MYO5B: variants seen among roughly 807,000 people sequenced by gnomAD.
MYO5B encodes unconventional myosin-Vb.
Under a neutral mutation model 229.3 loss-of-function variants are expected in MYO5B, and 143 were observed. The observed-to-expected ratio is 0.62, with a 90% CI of 0.54 to 0.72. MYO5B has a LOEUF of 0.72. Among genes scored for constraint, MYO5B ranks in the 30% least tolerant of loss-of-function variants. The pLI is 0.00. For missense variants in MYO5B, 2,321 were observed against 2,331.0 expected (o/e 1.00, Z 0.09); for synonymous variants, 918 against 885.2 (o/e 1.04, Z -0.66).
At chr18:49,930,941 C>CA (rs369494077) in intron 16 of MYO5B, among the ~76,000 whole-genome samples, 7,514 of 151,592 alleles carry the variant, frequency 0.05, 260 homozygotes, top group Non-Finnish European at 0.068. Flanking sequence ...AGCAAGACAT[C>CA]ACCATTGTCT....
intron 1 of MYO5B, among the ~76,000 whole-genome samples, chr18:50,134,111 G>A (rs1364311557): frequency 2.6e-5 from 4 of 152,072 alleles, no homozygotes; most frequent in Non-Finnish European, 1.5e-5. Flanking sequence ...GCCTGACTGG[G>A]GACAAAGGCA....
Position 49,951,047 on chromosome 18 carries a change from A to G in MYO5B, c.1752+2213T>C, listed in dbSNP as rs182342519. 5.1e-4 allele frequency among the ~76,000 whole-genome samples: 77 copies of G among 152,262 alleles called. No individual in the cohort carries two copies. In the East Asian group the frequency reaches 0.012, roughly 23 times the overall value. The stretch of plus-strand genomic sequence containing the variant: ...AAGGGTGCCTACATAATCAACCCCA[A>G]ATAAAAACCCTGGCCGCCTGGGCTC... On this transcript the variant is annotated intron_variant, in intron 14 of 39. Coordinates refer to ENST00000285039, the MANE Select transcript of MYO5B (RefSeq NM_001080467.3).
At chr18:49,928,522 T>C (rs2025154713) in intron 17 of MYO5B, among the ~76,000 whole-genome samples, 1 of 152,194 alleles carries the variant, frequency 6.6e-6, no homozygotes, top group African/African-American at 2.4e-5. Flanking sequence ...TGCACACCTG[T>C]AGTCCCAGCT....
At chr18:49,911,374 G>A (rs573339387) in intron 18 of MYO5B, among the ~76,000 whole-genome samples, 114 of 152,238 alleles carry the variant, frequency 7.5e-4, no homozygotes, top group African/African-American at 2.5e-3. Flanking sequence ...CTTCTTGGAA[G>A]GCCTAGAAGT....
At chr18:49,868,831 C>G (rs901050420) in intron 27 of MYO5B, among the ~76,000 whole-genome samples, 2 of 152,348 alleles carry the variant, frequency 1.3e-5, no homozygotes, top group Admixed American at 1.3e-4. Flanking sequence ...TCTACATGAC[C>G]TTACCCCAAA....
intron 1 of MYO5B, among the ~76,000 whole-genome samples, chr18:50,149,533 T>C (rs1177598588): frequency 2.0e-5 from 3 of 151,616 alleles, no homozygotes; most frequent in East Asian, 2.0e-4. Context: ...TAATGCCACA[T>C]ATCTACAACC....
Position 49,903,391 on chromosome 18 carries a change from C to T in MYO5B, c.2572-558G>A, listed in dbSNP as rs563869522. 3.3e-5 allele frequency among the ~76,000 whole-genome samples: 5 copies of T among 152,234 alleles called. No homozygotes were observed. In the South Asian group the frequency reaches 6.2e-4, roughly 19 times the overall value. ...ATAAATGAGTAAACAAGCAAACAGG[C>T]TGAGCAATGAACAGTGCCACAGCCA... On this transcript the variant is annotated intron_variant, in intron 20 of 39. Transcript: ENST00000285039.
chr18:49,887,018 A>C (rs1557353), intron 22 of MYO5B, among the ~76,000 whole-genome samples: 17 of 151,988 alleles, frequency 1.1e-4, no homozygotes, highest in African/African-American at 3.9e-4. Flanking sequence ...GGGCCTGGTG[A>C]GAGGTGACTG....
chr18:50,014,291 A>AC (rs2026193488), intron 4 of MYO5B, among the ~76,000 whole-genome samples: 1 of 102,232 alleles, frequency 9.8e-6, no homozygotes, highest in Non-Finnish European at 2.3e-5. Context: ...AAAAAAAAAA[A>AC]AAAAACTACG....
chr18:50,010,061 G>A (rs972962269), intron 4 of MYO5B, among the ~76,000 whole-genome samples: 4 of 152,220 alleles, frequency 2.6e-5, no homozygotes, highest in Non-Finnish European at 5.9e-5. Flanking sequence ...CATTCAGGAA[G>A]GCTGTCATGA....
intron 7 of MYO5B, among the ~76,000 whole-genome samples, chr18:49,985,911 T>G (rs2025865826): frequency 6.6e-6 from 1 of 152,208 alleles, no homozygotes; most frequent in Non-Finnish European, 1.5e-5. Flanking sequence ...TTCTCCATCC[T>G]GATTGCCATT....
At chr18:49,860,747 G>C (rs1251953403) in intron 29 of MYO5B, among the ~76,000 whole-genome samples, 1 of 152,202 alleles carries the variant, frequency 6.6e-6, no homozygotes, top group Admixed American at 6.5e-5. Flanking sequence ...TCTAGGGAGA[G>C]GATAGATGTC....
At chr18:49,857,184 T>C (rs1427716206) in intron 29 of MYO5B, among the ~76,000 whole-genome samples, 1 of 152,222 alleles carries the variant, frequency 6.6e-6, no homozygotes, top group Non-Finnish European at 1.5e-5. Context: ...GAGGGCCAGC[T>C]TGTTCTGGTA....
At chr18:49,916,748 G>A (rs2025019691) in intron 17 of MYO5B, among the ~76,000 whole-genome samples, 1 of 152,080 alleles carries the variant, frequency 6.6e-6, no homozygotes, top group South Asian at 2.1e-4. Context: ...CCACTATGGG[G>A]TCTGGGAAAA....
At chr18:49,891,902 G>A (rs2024719299) in intron 22 of MYO5B, among the ~76,000 whole-genome samples, 1 of 152,186 alleles carries the variant, frequency 6.6e-6, no homozygotes. Flanking sequence ...AGTGCCTGGG[G>A]GCCTGCTAGT....
At chr18:50,026,795 T>C (rs2026335885) in intron 4 of MYO5B, among the ~76,000 whole-genome samples, 1 of 152,258 alleles carries the variant, frequency 6.6e-6, no homozygotes, top group Non-Finnish European at 1.5e-5. Context: ...TTTTCATTTA[T>C]CAACTGATTT....
At chr18:50,129,110 G>A (rs190262774) in intron 1 of MYO5B, among the ~76,000 whole-genome samples, 27 of 152,360 alleles carry the variant, frequency 1.8e-4, no homozygotes, top group Admixed American at 1.0e-3. Context: ...AAGGAGCCCA[G>A]GCCAGGCCCC....
Position 50,058,141 on chromosome 18 carries a change from G to A in MYO5B, c.28-2763C>T, listed in dbSNP as rs1257495479. Among the ~76,000 whole-genome samples, 3 of 152,298 alleles carry A rather than the reference G, an allele frequency of 2.0e-5. 1 individual carries two copies. Among genetic ancestry groups the A allele is most frequent in the South Asian group, 4.1e-4 (2 of 4,824 alleles). On this transcript the variant is annotated intron_variant, in intron 1 of 39. Transcript: ENST00000285039. ...CAGCCATATTCATTCATTCATTGATGTATTATCTATTTAATACTTTCACAT... is the reference window on the plus strand; with the variant it reads ...CAGCCATATTCATTCATTCATTGATATATTATCTATTTAATACTTTCACAT...
chr18:49,945,651 G>C (rs572711567), intron 14 of MYO5B, among the ~76,000 whole-genome samples: 1 of 152,196 alleles, frequency 6.6e-6, no homozygotes, highest in East Asian at 1.9e-4. Flanking sequence ...AGGCCCATTT[G>C]TTTGTCCTCA....
Sources: gnomAD v4.1 joint callset for allele counts (sites outside exome capture counted in the v4.1 genomes callset) on GRCh38, gnomAD v4.1.1 for gene constraint, MANE v1.5 for transcripts, NCBI Gene and HGNC (gene_info 2026-07-23, HGNC 2026-07-21) for gene names.